CTNNA2: variants seen among roughly 807,000 people sequenced by gnomAD.
The protein encoded by CTNNA2 is catenin alpha 2.
Under a neutral mutation model 101.0 loss-of-function variants are expected in CTNNA2, and 42 were observed. That is an observed-to-expected ratio of 0.42 (90% confidence interval 0.32 to 0.54). CTNNA2 has a LOEUF of 0.54. Ranked by LOEUF, CTNNA2 falls within the 20% of genes least tolerant of loss-of-function variation. CTNNA2 has a pLI of 0.14. For missense variants in CTNNA2, 871 were observed against 1,223.1 expected (o/e 0.71, Z 4.29); for synonymous variants, 450 against 456.4 (o/e 0.99, Z 0.18).
At chr2:79,642,419 T>C (rs1680509091) in intron 1 of CTNNA2, among the ~76,000 whole-genome samples, 2 of 152,196 alleles carry the variant, frequency 1.3e-5, no homozygotes, top group African/African-American at 4.8e-5. Context: ...ATCCTGTAAT[T>C]ACAGCAGCAG....
intron 3 of CTNNA2, among the ~76,000 whole-genome samples, chr2:79,753,633 C>T (rs923492285): frequency 3.9e-5 from 6 of 152,046 alleles, no homozygotes; most frequent in Admixed American, 1.3e-4. Flanking sequence ...ATTTGGCCAG[C>T]GTGTAGATGA....
At chr2:79,287,374 A>G (rs953886691) in intron 2 of CTNNA2, among the ~76,000 whole-genome samples, 40 of 151,868 alleles carry the variant, frequency 2.6e-4, no homozygotes, top group Admixed American at 5.9e-4. Context: ...TTTTTTCCCC[A>G]TCTTTGTGGT....
intron 14 of CTNNA2, chr2:80,586,332 A>C (rs938545468): frequency 6.6e-6 from 1 of 152,222 alleles, no homozygotes; most frequent in South Asian, 2.1e-4. Flanking sequence ...TTGTGTTGGG[A>C]CAATGAAATG....
At chr2:80,464,457 C>T (rs1438231261) in intron 9 of CTNNA2, among the ~76,000 whole-genome samples, 1 of 152,148 alleles carries the variant, frequency 6.6e-6, no homozygotes, top group Non-Finnish European at 1.5e-5. Context: ...TGAATCATTT[C>T]TACCAAAGTT....
At chr2:79,187,287 T>TA (rs1673793609) in intron 1 of CTNNA2, among the ~76,000 whole-genome samples, 1 of 127,872 alleles carries the variant, frequency 7.8e-6, no homozygotes, top group African/African-American at 3.3e-5. Context: ...TTTTTTTTTT[T>TA]GAGACAGAGT....
chr2:79,254,303 C>A (rs989575408), intron 2 of CTNNA2, among the ~76,000 whole-genome samples: 3 of 152,156 alleles, frequency 2.0e-5, no homozygotes, highest in Non-Finnish European at 4.4e-5. Context: ...AATCTCATGT[C>A]AAGTTGTAAT....
chr2:80,365,175 A>G (rs75823096), intron 7 of CTNNA2, among the ~76,000 whole-genome samples: 4,472 of 152,204 alleles, frequency 0.029, 235 homozygotes, highest in African/African-American at 0.1. Flanking sequence ...CTTAATCTAC[A>G]TACATCAAAT....
At chr2:80,156,743 T>C (rs1396455464) in intron 7 of CTNNA2, among the ~76,000 whole-genome samples, 4 of 152,228 alleles carry the variant, frequency 2.6e-5, no homozygotes, top group Non-Finnish European at 5.9e-5. Context: ...ACCACACGCA[T>C]TGCTGATGAG....
chr2:80,392,161 G>A (rs899838251), intron 7 of CTNNA2, among the ~76,000 whole-genome samples: 9 of 152,134 alleles, frequency 5.9e-5, no homozygotes, highest in Non-Finnish European at 1.3e-4. Context: ...TTTATGCATT[G>A]CCAAATCATG....
Position 79,988,543 on chromosome 2 carries a change from G to A in CTNNA2, c.1056+78746G>A, listed in dbSNP as rs1481903853. On this transcript the variant is annotated intron_variant, in intron 7 of 18. Coordinates refer to ENST00000402739, the MANE Select transcript of CTNNA2 (RefSeq NM_001282597.3). ...GGAGCCACACTAAATGCTAGGCACT[G>A]TGCTAAGAACTCCACATCTATATTT... is the stretch of plus-strand genomic sequence containing the variant. Among the ~76,000 whole-genome samples the A allele has an allele frequency of 3.3e-5, 5 of 152,092 alleles. No homozygotes were observed. The South Asian group carries it at 1.0e-3, about 32-fold the overall frequency.
intron 7 of CTNNA2, among the ~76,000 whole-genome samples, chr2:80,063,824 C>T (rs1697781606): frequency 6.6e-6 from 1 of 152,190 alleles, no homozygotes; most frequent in Admixed American, 6.5e-5. Flanking sequence ...GGATAATAGA[C>T]TATTTAGCAT....
At chr2:79,798,293 T>C (rs1675881871) in intron 3 of CTNNA2, among the ~76,000 whole-genome samples, 1 of 152,192 alleles carries the variant, frequency 6.6e-6, no homozygotes, top group African/African-American at 2.4e-5. Context: ...TGCTTTTTTG[T>C]TTGTTTGTTT....
intron 4 of CTNNA2, among the ~76,000 whole-genome samples, chr2:79,398,674 G>A (rs1678256800): frequency 6.6e-6 from 1 of 151,562 alleles, no homozygotes; most frequent in Non-Finnish European, 1.5e-5. Flanking sequence ...AAAAAGATAA[G>A]AATCAGGTTC....
rs398104483 is a variant in CTNNA2, at chr2:79,982,277, AAT to A, written c.1056+72488_1056+72489del. Among the ~76,000 whole-genome samples the A allele has an allele frequency of 6.7e-5, 9 of 133,588 alleles. 1 individual carries two copies. Among genetic ancestry groups the A allele is most frequent in the South Asian group, 4.5e-4 (2 of 4,456 alleles). 87.6% of individuals were successfully genotyped at this position (133,588 alleles called of 152,430 possible). On this transcript the variant is annotated intron_variant, in intron 7 of 18. Coordinates refer to ENST00000402739, the MANE Select transcript of CTNNA2 (RefSeq NM_001282597.3). ...GTACACACACACATAACATATATAT[AAT>A]ATATATAACATATATAACATATATA...
intron 7 of CTNNA2, among the ~76,000 whole-genome samples, chr2:80,366,273 A>C (rs1466023178): frequency 6.6e-6 from 1 of 152,144 alleles, no homozygotes; most frequent in Non-Finnish European, 1.5e-5. Flanking sequence ...GGATATTACA[A>C]GAGAAAAACA....
intron 2 of CTNNA2, among the ~76,000 whole-genome samples, chr2:79,709,168 GT>G (rs1369515983): frequency 2.0e-5 from 3 of 152,198 alleles, no homozygotes; most frequent in Non-Finnish European, 2.9e-5. Context: ...AATCGAGAAG[GT>G]TTTGACCCTA....
intron 7 of CTNNA2, among the ~76,000 whole-genome samples, chr2:80,043,457 C>A (rs1371827053): frequency 6.6e-6 from 1 of 152,094 alleles, no homozygotes; most frequent in African/African-American, 2.4e-5. Context: ...CTCGGCCTCC[C>A]AAAGTGCTGG....
chr2:80,208,870 A>G (rs1037203646), intron 7 of CTNNA2, among the ~76,000 whole-genome samples: 1 of 152,202 alleles, frequency 6.6e-6, no homozygotes, highest in African/African-American at 2.4e-5. Flanking sequence ...GTTAATTGAA[A>G]TATACCTAGG....
intron 17 of CTNNA2, chr2:80,618,860 T>C (rs1396851087): frequency 9.1e-6 from 3 of 331,428 alleles, no homozygotes; most frequent in African/African-American, 2.1e-5. Flanking sequence ...ACATGGTTCC[T>C]TTATCTGTTC....
Sources: allele counts gnomAD v4.1 joint callset (sites outside exome capture counted in the v4.1 genomes callset), GRCh38; gene constraint gnomAD v4.1.1; transcripts MANE v1.5; gene names NCBI Gene and HGNC (gene_info 2026-07-23, HGNC 2026-07-21).